CAMSAP1: variants seen among roughly 807,000 people sequenced by gnomAD.
The protein encoded by CAMSAP1 is calmodulin regulated spectrin associated protein 1.
A neutral mutation model predicts 143.5 loss-of-function variants in CAMSAP1; 58 were observed. The ratio of observed to expected loss-of-function variants is 0.40; its 90% CI spans 0.33 to 0.50. The LOEUF (loss-of-function observed/expected upper bound fraction) is 0.50, where lower values mean the gene tolerates loss of function less well. CAMSAP1 is among the 20% of genes least tolerant of loss of function. The pLI, the probability that CAMSAP1 is intolerant of heterozygous loss-of-function variation, is 0.45. For missense variants in CAMSAP1, 1,969 were observed against 2,115.7 expected (o/e 0.93, Z 1.36); for synonymous variants, 945 against 859.3 (o/e 1.10, Z -1.74).
At chr9:135,830,479 A>T (rs1835821664) in intron 7 of CAMSAP1, among the ~76,000 whole-genome samples, 1 of 152,272 alleles carries the variant, frequency 6.6e-6, no homozygotes, top group Non-Finnish European at 1.5e-5. Flanking sequence ...GGTCAATTCA[A>T]CAGAAAGCTG....
In CAMSAP1 at chr9:135,815,997, G is replaced by A. The variant is rs1038972131; in HGVS notation, c.4280C>T (p.Ser1427Leu). The A allele has an allele frequency of 5.0e-6, 8 of 1,613,456 alleles. No individual in the cohort carries two copies. Among genetic ancestry groups the A allele is most frequent in the East Asian group, 2.2e-5 (1 of 44,872 alleles). The change falls in exon 15 of 17, where the codon TCG becomes TTG. Residue 1427 changes from serine to leucine, a missense_variant. Ser to Leu is a moderately radical substitution (Grantham distance 145). Transcript: ENST00000389532. The part of the protein sequence containing the change: ...SGGTPSQRVE[S>L]MEALPILSRN... Reference sequence around the variant, plus strand: ...GCTCAGTATGGGCAGGGCTTCCATCGATTCCACTCTGCAGGCAGAAACAGA... The same window carrying A: ...GCTCAGTATGGGCAGGGCTTCCATCAATTCCACTCTGCAGGCAGAAACAGA...
At position 135,826,660 on chromosome 9, in the gene CAMSAP1, T is replaced by A. The variant is rs1405979347; in HGVS notation, c.1223+747A>T. Among the ~76,000 whole-genome samples the A allele has an allele frequency of 6.6e-6, 1 of 152,242 alleles. No homozygotes were observed. Among genetic ancestry groups the A allele is most frequent in the Admixed American group, 6.5e-5 (1 of 15,288 alleles). ...TATTTAAAACCACTTTTAAATAGCG[T>A]CTTCATCTTAAATCCCAACTTAAAT... On this transcript the variant is annotated intron_variant, in intron 8 of 16. Coordinates refer to ENST00000389532, the MANE Select transcript of CAMSAP1 (RefSeq NM_015447.4). The surrounding 1 kb of genome is among the most constrained non-coding windows in gnomAD (Gnocchi z 4.4).
intron 3 of CAMSAP1, among the ~76,000 whole-genome samples, chr9:135,879,228 A>G (rs963339326): frequency 1.4e-4 from 22 of 152,330 alleles, no homozygotes; most frequent in African/African-American, 5.3e-4. Context: ...ATACAGAGGT[A>G]GAAACGAGAA....
At chr9:135,836,377 T>A (rs1836039403) in intron 7 of CAMSAP1, 1 of 983,756 alleles carries the variant, frequency 1.0e-6, no homozygotes, top group African/African-American at 1.8e-5. Context: ...TTCTACCCTG[T>A]TCTACAGACA....
rs923534789 is a variant in CAMSAP1, at chr9:135,881,618, A to G, written c.585+15T>C. On this transcript the variant is annotated intron_variant, in intron 3 of 16. Transcript: ENST00000389532. ...AGAAGCAGAGTCACACACCACATCTAGGCAGGGCACTCACCTTGTTGATCC... is the reference window on the plus strand; with the variant it reads ...AGAAGCAGAGTCACACACCACATCTGGGCAGGGCACTCACCTTGTTGATCC... 9.7e-6 allele frequency: 15 copies of G among 1,551,470 alleles called. No individual in the cohort carries two copies. The highest frequency in any genetic ancestry group is 1.0e-5 in the Non-Finnish European group (12 of 1,146,922).
chr9:135,866,808 C>T (rs1039271847), intron 3 of CAMSAP1, among the ~76,000 whole-genome samples: 2 of 152,186 alleles, frequency 1.3e-5, no homozygotes, highest in Non-Finnish European at 2.9e-5. Flanking sequence ...AGAGTCACTA[C>T]ATCTTGGCAG....
At chr9:135,831,275 A>C (rs967820467) in intron 7 of CAMSAP1, among the ~76,000 whole-genome samples, 1 of 152,242 alleles carries the variant, frequency 6.6e-6, no homozygotes, top group African/African-American at 2.4e-5. Flanking sequence ...AGGGAATTTT[A>C]AAAGTATCTT....
chr9:135,833,078 C>CT lies in CAMSAP1; in HGVS notation c.1046-5495dup, dbSNP rs56081448. Among the ~76,000 whole-genome samples the CT allele has an allele frequency of 2.4e-3, 230 of 96,482 alleles. 1 individual carries two copies. The highest frequency in any genetic ancestry group is 0.02 in the East Asian group (58 of 2,950). The allele number at this position is 96,482 out of a possible 152,430, so 63.3% of individuals were successfully genotyped here. Reference sequence around the variant, plus strand: ...AAAGACCCAAAATAGCCACAGTAATCTTTTTTTTTTTTTTTTTTTTTGAGA... The same window carrying CT: ...AAAGACCCAAAATAGCCACAGTAATCTTTTTTTTTTTTTTTTTTTTTTGAGA... On this transcript the variant is annotated intron_variant, in intron 7 of 16. Coordinates refer to ENST00000389532, the MANE Select transcript of CAMSAP1 (RefSeq NM_015447.4).
In CAMSAP1 at chr9:135,822,112, G is replaced by C. The variant is rs1436603393; in HGVS notation, c.2549C>G (p.Ala850Gly). Residue 850 changes from alanine to glycine, a missense_variant, in exon 11 of 17, where the codon GCC becomes GGC. Ala to Gly is a moderately conservative substitution (Grantham distance 60). Transcript: ENST00000389532. This position sits in a 1 kb window ranked among gnomAD's most constrained non-coding sequence, Gnocchi z 6.1. Reference sequence around the variant, plus strand: ...CTTCTGCCTCCACGTCGTCAGAGGGGCTGGGCAGCTCTCAGACGCATCTGG... The same window carrying C: ...CTTCTGCCTCCACGTCGTCAGAGGGCCTGGGCAGCTCTCAGACGCATCTGG... ...TTPDASESCP[A>G]PLTTWRQKRE... 9.3e-6 allele frequency: 15 copies of C among 1,612,236 alleles called. No homozygotes were observed. Among genetic ancestry groups the C allele is most frequent in the Non-Finnish European group, 2.5e-6 (3 of 1,179,738 alleles).
At position 135,862,616 on chromosome 9, in the gene CAMSAP1, T is replaced by C; in HGVS notation, c.667-8A>G. 1 of 1,551,550 alleles carries C rather than the reference T, an allele frequency of 6.4e-7. No homozygotes were observed. The highest frequency in any genetic ancestry group is 1.2e-5 in the South Asian group (1 of 84,062). On this transcript the variant is annotated splice_polypyrimidine_tract_variant and splice_region_variant and intron_variant, in intron 4 of 16. Transcript: ENST00000389532. ...CTCTCGTCGATAGCGGACCTGTAGT[T>C]GATAAAAGGAAAACGGTCTCTGCAT...
chr9:135,818,483 G>T lies in CAMSAP1; in HGVS notation c.4093C>A (p.Pro1365Thr). Residue 1365 changes from proline (P) to threonine (T), a missense_variant, in exon 13 of 17, where the codon CCG (proline) becomes ACG (threonine). By Grantham distance (38) the Pro-to-Thr change is conservative. This residue lies in a region of CAMSAP1 where 1,390 missense variants were observed against 1,420.8 expected (regional missense o/e 0.98). Coordinates refer to ENST00000389532, the MANE Select transcript of CAMSAP1 (RefSeq NM_015447.4). This position sits in a 1 kb window ranked among gnomAD's most constrained non-coding sequence, Gnocchi z 7.7. ...EQGLGKPKSK[P>T]KKPRPKSVHR... is the part of the protein sequence containing the mutation. ...ACCGACTTCGGCCGCGGCTTCTTCG[G>T]CTTTGACTTGGGCTTGCCGAGCCCC... 6.2e-7 allele frequency: 1 copy of T among 1,609,238 alleles called. No individual in the cohort carries two copies.
At chr9:135,871,488 T>G (rs935763711) in intron 3 of CAMSAP1, among the ~76,000 whole-genome samples, 2 of 152,186 alleles carry the variant, frequency 1.3e-5, no homozygotes, top group African/African-American at 4.8e-5. Flanking sequence ...CACAGCCCCT[T>G]CTAATTTGTT....
intron 1 of CAMSAP1, among the ~76,000 whole-genome samples, chr9:135,891,679 A>C (rs73561620): frequency 0.022 from 3,278 of 152,330 alleles, 130 homozygotes; most frequent in African/African-American, 0.074. Flanking sequence ...TTATTCAACA[A>C]AGAACCAGGA....
intron 7 of CAMSAP1, among the ~76,000 whole-genome samples, chr9:135,834,915 C>T (rs963282054): frequency 3.3e-5 from 5 of 152,136 alleles, no homozygotes; most frequent in African/African-American, 7.2e-5. Context: ...TCTTCCCTCG[C>T]GGTCACCAGG....
At position 135,882,686 on chromosome 9, in the gene CAMSAP1, T is replaced by A. The variant is rs1588501623; in HGVS notation, c.423+130A>T. ...TATGCAGTTTCCTAAGGAACGCCAGTGTGCAAAAGCACGGGTCTCCACCAC... is the reference window on the plus strand; with the variant it reads ...TATGCAGTTTCCTAAGGAACGCCAGAGTGCAAAAGCACGGGTCTCCACCAC... On this transcript the variant is annotated intron_variant, in intron 2 of 16. Coordinates refer to ENST00000389532, the MANE Select transcript of CAMSAP1 (RefSeq NM_015447.4). This position sits in a 1 kb window ranked among gnomAD's most constrained non-coding sequence, Gnocchi z 4.9. 1.9e-6 allele frequency: 2 copies of A among 1,036,552 alleles called. No homozygotes were observed. Among genetic ancestry groups the A allele is most frequent in the Non-Finnish European group, 2.7e-6 (2 of 731,860 alleles). 64.2% of individuals were successfully genotyped at this position (1,036,552 alleles called of 1,614,324 possible).
chr9:135,881,757 G>A lies in CAMSAP1; in HGVS notation c.461C>T (p.Ala154Val). 1 of 1,551,912 alleles carries A rather than the reference G, an allele frequency of 6.4e-7. No homozygotes were observed. The highest frequency in any genetic ancestry group is 8.7e-7 in the Non-Finnish European group (1 of 1,147,032). Reference sequence around the variant, plus strand: ...GATGCTGATCATCTCCACAGTGTAGGCCATCATCAGGGCATCCACCATTGC... The same window carrying A: ...GATGCTGATCATCTCCACAGTGTAGACCATCATCAGGGCATCCACCATTGC... ...HMAMVDALMMAYTVEMISIEK... is the reference protein window; with the variant it reads ...HMAMVDALMMVYTVEMISIEK... The change falls in exon 3 of 17, where the codon GCC (alanine) becomes GTC (valine). Residue 154 changes from alanine to valine, a missense_variant. Ala to Val is a moderately conservative substitution (Grantham distance 64, BLOSUM62 0). Coordinates refer to ENST00000389532, the MANE Select transcript of CAMSAP1 (RefSeq NM_015447.4).
At chr9:135,872,794 T>G (rs535576347) in intron 3 of CAMSAP1, among the ~76,000 whole-genome samples, 1 of 152,336 alleles carries the variant, frequency 6.6e-6, no homozygotes, top group Admixed American at 6.5e-5. Flanking sequence ...AAGGGTTAAT[T>G]CATCAACTAA....
At position 135,809,624 on chromosome 9, in the gene CAMSAP1, TTAAAA is replaced by T. The variant is rs1368180429; in HGVS notation, c.*1680_*1684del. 1.3e-5 allele frequency: 2 copies of T among 152,676 alleles called. No homozygotes were observed. Among genetic ancestry groups the T allele is most frequent in the Middle Eastern group, 3.2e-3 (1 of 316 alleles). 9.5% of individuals were successfully genotyped at this position (152,676 alleles called of 1,614,324 possible). ...CACTTTATTACATCTTAGTGCTTTC[TTAAAA>T]TAAATACAGTAATATCATATCAAAC... is the stretch of plus-strand genomic sequence containing the variant. On this transcript the variant is annotated 3_prime_UTR_variant, in exon 17 of 17. Transcript: ENST00000389532.
intron 3 of CAMSAP1, among the ~76,000 whole-genome samples, chr9:135,871,588 C>T (rs1837572312): frequency 6.6e-6 from 1 of 152,054 alleles, no homozygotes. Flanking sequence ...TTTAAACTTT[C>T]TGATTTTTAA....
Sources: allele counts gnomAD v4.1 joint callset (sites outside exome capture counted in the v4.1 genomes callset), GRCh38; gene constraint gnomAD v4.1.1; regional missense constraint gnomAD v4.1.1; non-coding constraint Gnocchi (gnomAD v3.1); transcripts MANE v1.5; gene names NCBI Gene and HGNC (gene_info 2026-07-23, HGNC 2026-07-21).